PTPRN2: variants seen among roughly 807,000 people sequenced by gnomAD.
PTPRN2 encodes receptor-type tyrosine-protein phosphatase N2.
A neutral mutation model predicts 118.8 loss-of-function variants in PTPRN2; 74 were observed. The ratio of observed to expected loss-of-function variants is 0.62; its 90% CI spans 0.52 to 0.76. The LOEUF (loss-of-function observed/expected upper bound fraction) is 0.76. PTPRN2 is among the 30% of genes least tolerant of loss of function. The pLI, the probability that PTPRN2 is intolerant of heterozygous loss-of-function variation, is 0.00. For synonymous variants in PTPRN2, 641 were observed against 608.0 expected, an observed-to-expected ratio of 1.05 and a Z score of -0.80; for missense variants, 1,481 against 1,394.4, an observed-to-expected ratio of 1.06 and a Z score of -0.99.
intron 5 of PTPRN2, among the ~76,000 whole-genome samples, chr7:158,184,804 C>A (rs1472298412): frequency 6.6e-6 from 1 of 151,970 alleles, no homozygotes; most frequent in Non-Finnish European, 1.5e-5. Context: ...GAAGAATGAA[C>A]TTCCGTCTCA....
intron 12 of PTPRN2, among the ~76,000 whole-genome samples, chr7:157,848,906 C>A (rs1021672617): frequency 1.3e-5 from 2 of 152,264 alleles, no homozygotes; most frequent in African/African-American, 4.8e-5. Flanking sequence ...GGACCACTCA[C>A]TTGGCCGCTG....
At chr7:157,926,694 C>T (rs1299613759) in intron 11 of PTPRN2, among the ~76,000 whole-genome samples, 1 of 152,188 alleles carries the variant, frequency 6.6e-6, no homozygotes, top group African/African-American at 2.4e-5. Flanking sequence ...CTCACAAACA[C>T]CCACAGACCC....
At chr7:158,403,566 C>T (rs1813107955) in intron 2 of PTPRN2, among the ~76,000 whole-genome samples, 1 of 152,336 alleles carries the variant, frequency 6.6e-6, no homozygotes, top group Admixed American at 6.5e-5. Flanking sequence ...ACTCCAAGGG[C>T]CACTCTGGTG....
intron 12 of PTPRN2, among the ~76,000 whole-genome samples, chr7:157,741,056 G>T (rs1007334730): frequency 6.6e-6 from 1 of 152,150 alleles, no homozygotes; most frequent in African/African-American, 2.4e-5. Flanking sequence ...AGGGAAGGGG[G>T]GAGATGATGC....
chr7:158,441,075 G>C (rs549195286), intron 2 of PTPRN2, among the ~76,000 whole-genome samples: 1 of 141,328 alleles, frequency 7.1e-6, no homozygotes, highest in Middle Eastern at 3.6e-3. Flanking sequence ...GGTAGTGATG[G>C]TGGTGCTGGT....
At chr7:157,947,060 G>T (rs1431922390) in intron 11 of PTPRN2, among the ~76,000 whole-genome samples, 1 of 152,210 alleles carries the variant, frequency 6.6e-6, no homozygotes, top group African/African-American at 2.4e-5. Flanking sequence ...CAAGGCAGGT[G>T]CTTAAGGCTG....
intron 12 of PTPRN2, among the ~76,000 whole-genome samples, chr7:157,837,650 G>A (rs1808066021): frequency 6.6e-6 from 1 of 152,140 alleles, no homozygotes; most frequent in African/African-American, 2.4e-5. Context: ...CGTCTGCAAG[G>A]ACACGGTGCA....
At chr7:158,175,178 C>G (rs1481686306) in intron 5 of PTPRN2, among the ~76,000 whole-genome samples, 6 of 152,190 alleles carry the variant, frequency 3.9e-5, no homozygotes, top group Admixed American at 3.3e-4. Context: ...ACATAACACA[C>G]GTTTTCTCCC....
rs1563577641 is a variant in PTPRN2 at position 158,188,576 on chromosome 7, GCCGCCACGCTCGCCCCCTGATGGGGAAGC to G, written c.549+3722_549+3750del. 3.0e-4 allele frequency among the ~76,000 whole-genome samples: 34 copies of G among 114,238 alleles called. 1 individual carries two copies. Among genetic ancestry groups the G allele is most frequent in the African/African-American group, 3.8e-4 (10 of 26,538 alleles). 74.9% of individuals were successfully genotyped at this position (114,238 alleles called of 152,430 possible). On this transcript the variant is annotated intron_variant, in intron 5 of 22. Coordinates refer to ENST00000389418, the MANE Select transcript of PTPRN2 (RefSeq NM_002847.5). ...CACGCTCGCCCCCTGTATGGGGAAG[GCCGCCACGCTCGCCCCCTGATGGGGAAGC>G]CCGCCACGCTCGCCCCCTGATGGGG...
intron 12 of PTPRN2, among the ~76,000 whole-genome samples, chr7:157,824,103 C>A (rs556997183): frequency 4.6e-5 from 7 of 152,186 alleles, no homozygotes; most frequent in African/African-American, 1.7e-4. Flanking sequence ...CTGAACCCAG[C>A]GAGAGCACAC....
At chr7:158,094,559 G>A (rs539189177) in intron 10 of PTPRN2, among the ~76,000 whole-genome samples, 4 of 151,986 alleles carry the variant, frequency 2.6e-5, no homozygotes, top group South Asian at 2.1e-4. Flanking sequence ...CGCCCACCTC[G>A]GCCTCCCAAA....
intron 12 of PTPRN2, among the ~76,000 whole-genome samples, chr7:157,872,319 CCA>C (rs1811138454): frequency 6.8e-6 from 1 of 147,702 alleles, no homozygotes; most frequent in African/African-American, 2.5e-5. Context: ...AGTGTCCTCC[CCA>C]CACACCCATA....
At chr7:157,930,738 C>T (rs1469236149) in intron 11 of PTPRN2, among the ~76,000 whole-genome samples, 1 of 152,224 alleles carries the variant, frequency 6.6e-6, no homozygotes, top group African/African-American at 2.4e-5. Context: ...ACCAGCCCCA[C>T]AGGTGAGCCA....
intron 12 of PTPRN2, among the ~76,000 whole-genome samples, chr7:157,849,330 G>A (rs1208076651): frequency 2.0e-5 from 3 of 152,048 alleles, no homozygotes; most frequent in East Asian, 3.9e-4. Flanking sequence ...GGGGCCATCC[G>A]GAAGTTGCGA....
intron 19 of PTPRN2, among the ~76,000 whole-genome samples, chr7:157,572,079 T>A (rs1799784335): frequency 6.6e-6 from 1 of 152,192 alleles, no homozygotes; most frequent in African/African-American, 2.4e-5. Context: ...ACAACTTCAT[T>A]GTGCAGAGTT....
At chr7:158,085,379 C>G (rs1192872831) in intron 10 of PTPRN2, among the ~76,000 whole-genome samples, 8 of 92,714 alleles carry the variant, frequency 8.6e-5, no homozygotes, top group Non-Finnish European at 1.1e-4. Flanking sequence ...CCCATCCACA[C>G]ATGCCCATCC....
chr7:157,851,247 A>C (rs2151204886), intron 12 of PTPRN2, among the ~76,000 whole-genome samples: 1 of 152,352 alleles, frequency 6.6e-6, no homozygotes, highest in East Asian at 1.9e-4. Context: ...GTTAATGCTT[A>C]ATCAGCAAAT....
chr7:157,823,987 T>C (rs1807013001), intron 12 of PTPRN2, among the ~76,000 whole-genome samples: 1 of 152,120 alleles, frequency 6.6e-6, no homozygotes, highest in African/African-American at 2.4e-5. Context: ...CTCCTTACTC[T>C]AGAGATGAGC....
At chr7:158,013,246 C>T (rs1806173133) in intron 11 of PTPRN2, among the ~76,000 whole-genome samples, 1 of 152,212 alleles carries the variant, frequency 6.6e-6, no homozygotes, top group South Asian at 2.1e-4. Context: ...CCTGTGCCTT[C>T]TTTTCCTGCT....
Sources: allele counts gnomAD v4.1 joint callset (sites outside exome capture counted in the v4.1 genomes callset), GRCh38; gene constraint gnomAD v4.1.1; transcripts MANE v1.5; gene names NCBI Gene and HGNC (gene_info 2026-07-23, HGNC 2026-07-21).